The following KIAA1549L variants were observed in gnomAD, a reference collection of about 807,000 sequenced individuals.
KIAA1549L encodes the protein UPF0606 protein KIAA1549L.
Under a neutral mutation model 160.7 loss-of-function variants are expected in KIAA1549L, and 88 were observed. The ratio of observed to expected loss-of-function variants is 0.55; its 90% CI spans 0.46 to 0.65. KIAA1549L has a LOEUF of 0.65. Ranked by LOEUF, KIAA1549L falls within the 30% of genes least tolerant of loss-of-function variation. KIAA1549L has a pLI of 0.00. For synonymous variants in KIAA1549L, 950 were observed against 976.7 expected, an observed-to-expected ratio of 0.97 and a Z score of 0.51; for missense variants, 2,258 against 2,437.5, an observed-to-expected ratio of 0.93 and a Z score of 1.55.
intron 15 of KIAA1549L, among the ~76,000 whole-genome samples, chr11:33,610,511 C>G (rs1305749041): frequency 2.6e-5 from 4 of 152,238 alleles, no homozygotes; most frequent in Admixed American, 6.5e-5. Flanking sequence ...CTGTCATGCT[C>G]ATGTGGGCTT....
chr11:33,488,614 G>T (rs1218702286), intron 1 of KIAA1549L, among the ~76,000 whole-genome samples: 1 of 152,298 alleles, frequency 6.6e-6, no homozygotes, highest in African/African-American at 2.4e-5. Context: ...TTGTGGGTAT[G>T]GAAATTGAGG....
chr11:33,627,850 C>T (rs953353597), intron 16 of KIAA1549L, among the ~76,000 whole-genome samples: 1 of 150,948 alleles, frequency 6.6e-6, no homozygotes, highest in Non-Finnish European at 1.5e-5. Context: ...TTTGCTCTTG[C>T]TTTTCTAGTT....
chr11:33,468,661 G>C (rs759875738), intron 1 of KIAA1549L, among the ~76,000 whole-genome samples: 3 of 152,204 alleles, frequency 2.0e-5, no homozygotes, highest in Non-Finnish European at 4.4e-5. Context: ...ATTTATAAAA[G>C]AGTGAGAAGA....
intron 15 of KIAA1549L, among the ~76,000 whole-genome samples, chr11:33,614,925 T>TTTTTTTTTTTTTTTTTTTTTTTTTTTTTG (rs1850770518): frequency 6.6e-6 from 1 of 151,920 alleles, no homozygotes; most frequent in African/African-American, 2.4e-5. Flanking sequence ...GCTATATTTT[T>TTTTTTTTTTTTTTTTTTTTTTTTTTTTTG]AATGGCAGTC....
At chr11:33,661,328 G>A (rs1392631041) in intron 20 of KIAA1549L, among the ~76,000 whole-genome samples, 3 of 152,152 alleles carry the variant, frequency 2.0e-5, no homozygotes, top group Admixed American at 2.0e-4. Flanking sequence ...CTTGTCAGAT[G>A]TTTTGTTTAT....
intron 1 of KIAA1549L, among the ~76,000 whole-genome samples, chr11:33,532,348 C>T (rs1853793201): frequency 6.6e-6 from 1 of 152,204 alleles, no homozygotes; most frequent in Non-Finnish European, 1.5e-5. Context: ...CTGAGCAAAA[C>T]TTTGATGGCA....
intron 17 of KIAA1549L, among the ~76,000 whole-genome samples, chr11:33,647,183 G>A (rs545847271): frequency 8.1e-4 from 123 of 152,086 alleles, no homozygotes; most frequent in Non-Finnish European, 1.6e-3. Context: ...TCAAGAGTTC[G>A]AGACCAGTCT....
intron 1 of KIAA1549L, among the ~76,000 whole-genome samples, chr11:33,540,196 AAGCAAAAGCTGCTCAGCCTGT>A (rs1233436913): frequency 2.6e-5 from 4 of 152,160 alleles, no homozygotes; most frequent in African/African-American, 4.8e-5. Flanking sequence ...TTCCTGCTGA[AAGCAAAAGCTGCTCAGCCTGT>A]AGCATCCTTT....
chr11:33,628,612 G>A (rs1381882467), intron 16 of KIAA1549L, among the ~76,000 whole-genome samples: 2 of 145,700 alleles, frequency 1.4e-5, no homozygotes, highest in East Asian at 3.9e-4. Context: ...TGCAACCCCT[G>A]CCTTTTTTTG....
At chr11:33,409,870 A>G (rs893172475) in intron 1 of KIAA1549L, among the ~76,000 whole-genome samples, 1 of 151,860 alleles carries the variant, frequency 6.6e-6, no homozygotes. Context: ...ACTCAATACA[A>G]TATAAAGTTA....
chr11:33,614,048 C>T lies in KIAA1549L; in HGVS notation c.5279+4082C>T, dbSNP rs1225690695. Among the ~76,000 whole-genome samples the T allele has an allele frequency of 2.6e-5, 4 of 152,236 alleles. No homozygotes were observed. In the East Asian group the frequency reaches 7.7e-4, roughly 29 times the overall value. On this transcript the variant is annotated intron_variant, in intron 15 of 20. Transcript: ENST00000658780. ...TTAAAGGCTTTTTCTCGGCAGCCAC[C>T]AACCAGAAGTGTCATGTAGTTAAGA... is the stretch of plus-strand genomic sequence containing the variant.
At chr11:33,535,890 CCTT>C (rs1853882881) in intron 1 of KIAA1549L, among the ~76,000 whole-genome samples, 1 of 152,152 alleles carries the variant, frequency 6.6e-6, no homozygotes, top group African/African-American at 2.4e-5. Flanking sequence ...TTTATTTTCT[CCTT>C]CTCCCTAATA....
At chr11:33,456,679 T>G (rs568730197) in intron 1 of KIAA1549L, among the ~76,000 whole-genome samples, 1 of 152,356 alleles carries the variant, frequency 6.6e-6, no homozygotes, top group East Asian at 1.9e-4. Context: ...TCCAAAGTGC[T>G]GGGACTACAG....
intron 1 of KIAA1549L, among the ~76,000 whole-genome samples, chr11:33,401,123 T>C (rs1231668407): frequency 6.6e-6 from 1 of 151,866 alleles, no homozygotes; most frequent in Non-Finnish European, 1.5e-5. Context: ...TCACATCCGT[T>C]GTCTCTGTAG....
At chr11:33,572,047 T>A (rs574745318) in intron 9 of KIAA1549L, among the ~76,000 whole-genome samples, 4,093 of 152,186 alleles carry the variant, frequency 0.027, 162 homozygotes, top group African/African-American at 0.093. Context: ...AACTTTTTTT[T>A]TTTTTTTGAG....
chr11:33,557,405 A>G (rs1436838927), intron 6 of KIAA1549L, among the ~76,000 whole-genome samples: 1 of 151,922 alleles, frequency 6.6e-6, no homozygotes, highest in East Asian at 1.9e-4. Flanking sequence ...AAGTTTTTTA[A>G]ATTGTTCAGA....
rs200038205 is a variant in KIAA1549L at position 33,417,757 on chromosome 11, TTCCTTCTG to T, written c.238+40879_238+40886del. Among the ~76,000 whole-genome samples, 188 of 152,228 alleles carry T rather than the reference TTCCTTCTG, an allele frequency of 1.2e-3. 3 individuals are homozygous for T. The East Asian group carries it at 0.033, about 27-fold the overall frequency. Reference sequence around the variant, plus strand: ...CCTGCTTTGATTTTCTTTTCCTTCCTTCCTTCTGTCCTTCTGTCGTTTTGTTTTTTGTT... The same window carrying T: ...CCTGCTTTGATTTTCTTTTCCTTCCTTCCTTCTGTCGTTTTGTTTTTTGTT... On this transcript the variant is annotated intron_variant, in intron 1 of 20. Coordinates refer to ENST00000658780, the MANE Select transcript of KIAA1549L (RefSeq NM_012194.3).
intron 1 of KIAA1549L, among the ~76,000 whole-genome samples, chr11:33,434,770 C>G (rs556462083): frequency 2.0e-5 from 3 of 152,198 alleles, no homozygotes; most frequent in Admixed American, 1.3e-4. Context: ...AATGTAGCAA[C>G]TTATCCTTCA....
In KIAA1549L at chr11:33,544,011, T is replaced by C; in HGVS notation, c.2448T>C (p.Ala816=). 6.2e-7 allele frequency: 1 copy of C among 1,614,038 alleles called. No individual in the cohort carries two copies. Among genetic ancestry groups the C allele is most frequent in the Non-Finnish European group, 8.5e-7 (1 of 1,179,896 alleles). Residue 816 remains alanine (A), a synonymous_variant, in exon 2 of 21, where the codon GCT becomes GCC. Transcript: ENST00000658780. ...ACCATTCCAGAGACTTCCAAACAGC[T>C]GAAGTTGCATATTACTCACCCACAA... The part of the protein sequence containing the change: ...NNNHSRDFQT[A]EVAYYSPTTR...
Sources: gnomAD v4.1 joint callset for allele counts (sites outside exome capture counted in the v4.1 genomes callset) on GRCh38, gnomAD v4.1.1 for gene constraint, MANE v1.5 for transcripts, NCBI Gene and HGNC (gene_info 2026-07-23, HGNC 2026-07-21) for gene names.